The following SGK3 variants were observed in gnomAD, a reference collection of about 807,000 sequenced individuals.
SGK3 encodes serine/threonine-protein kinase Sgk3.
SGK3 carries 47 observed loss-of-function variants against 68.5 expected under a neutral mutation model. The observed-to-expected ratio is 0.69, with a 90% CI of 0.54 to 0.87. The LOEUF is 0.87. SGK3 is among the 40% of genes least tolerant of loss of function. The pLI, the probability that SGK3 is intolerant of heterozygous loss-of-function variation, is 0.00. For synonymous variants in SGK3, 181 were observed against 189.1 expected (o/e 0.96, Z 0.35); for missense variants, 479 against 575.5 (o/e 0.83, Z 1.72).
chr8:66,852,668 T>G (rs1810343273), intron 16 of SGK3, among the ~76,000 whole-genome samples: 1 of 152,190 alleles, frequency 6.6e-6, no homozygotes, highest in African/African-American at 2.4e-5. Flanking sequence ...GGTTAATTTC[T>G]ATACATAGCT....
intron 1 of SGK3, among the ~76,000 whole-genome samples, chr8:66,779,561 A>AATATAGATATAT (rs1491522305): frequency 1.1e-5 from 1 of 89,386 alleles, no homozygotes; most frequent in Non-Finnish European, 2.1e-5. Flanking sequence ...TATGTGTGTG[A>AATATAGATATAT]ATATATATAT....
At chr8:66,789,319 GA>G (rs1350545250) in intron 1 of SGK3, among the ~76,000 whole-genome samples, 1 of 152,132 alleles carries the variant, frequency 6.6e-6, no homozygotes, top group African/African-American at 2.4e-5. Flanking sequence ...TAGTGGTACT[GA>G]TTTCTGAGCT....
At chr8:66,736,061 G>T (rs1373391256) in intron 1 of SGK3, among the ~76,000 whole-genome samples, 4 of 152,180 alleles carry the variant, frequency 2.6e-5, no homozygotes, top group Admixed American at 2.6e-4. Context: ...TGCTGTGGGG[G>T]ATTATATTTA....
At chr8:66,740,480 A>G (rs969341171) in intron 1 of SGK3, among the ~76,000 whole-genome samples, 22 of 152,342 alleles carry the variant, frequency 1.4e-4, no homozygotes, top group African/African-American at 5.3e-4. Context: ...TTATTATAAT[A>G]TAGTGCAGTT....
At chr8:66,809,695 A>G (rs1170509093) in intron 4 of SGK3, among the ~76,000 whole-genome samples, 1 of 152,254 alleles carries the variant, frequency 6.6e-6, no homozygotes, top group Admixed American at 6.5e-5. Flanking sequence ...AAAATACTTC[A>G]TAGCAGAATC....
intron 1 of SGK3, among the ~76,000 whole-genome samples, chr8:66,780,823 T>C (rs1040086568): frequency 1.3e-5 from 2 of 152,136 alleles, no homozygotes; most frequent in African/African-American, 2.4e-5. Context: ...AGTGAAATTA[T>C]CAGATTTACA....
At chr8:66,839,918 G>T in intron 10 of SGK3, 85 bp from the exon 11 acceptor site, 1 of 1,266,900 alleles carries the variant, frequency 7.9e-7, no homozygotes. Context: ...TCCTACCTTT[G>T]TATTTACCGA....
chr8:66,819,136 T>G (rs1808709572), intron 5 of SGK3, among the ~76,000 whole-genome samples: 1 of 152,224 alleles, frequency 6.6e-6, no homozygotes, highest in Admixed American at 6.5e-5. Flanking sequence ...GCATTTCACT[T>G]ATTACTGTAA....
chr8:66,832,292 AT>A (rs543884224), intron 8 of SGK3, among the ~76,000 whole-genome samples: 2 of 152,336 alleles, frequency 1.3e-5, no homozygotes, highest in South Asian at 4.1e-4. Flanking sequence ...ATCATCGAAT[AT>A]ATTTAAGTGC....
chr8:66,755,937 A>G (rs1805960569), intron 1 of SGK3, among the ~76,000 whole-genome samples: 1 of 152,118 alleles, frequency 6.6e-6, no homozygotes, highest in Non-Finnish European at 1.5e-5. Context: ...AGCGAGAAGG[A>G]GTTAGCCAAA....
intron 15 of SGK3, among the ~76,000 whole-genome samples, chr8:66,847,671 C>T (rs1020819934): frequency 2.6e-5 from 4 of 152,084 alleles, no homozygotes; most frequent in African/African-American, 9.7e-5. Flanking sequence ...ACTACCTAAA[C>T]TTTCTTTTGC....
intron 1 of SGK3, among the ~76,000 whole-genome samples, chr8:66,773,185 A>G (rs1015492475): frequency 1.3e-5 from 2 of 152,206 alleles, no homozygotes; most frequent in African/African-American, 4.8e-5. Context: ...AGATGAGTAC[A>G]CAAGAGAGTG....
At chr8:66,749,775 A>T (rs1805757955) in intron 1 of SGK3, among the ~76,000 whole-genome samples, 1 of 152,116 alleles carries the variant, frequency 6.6e-6, no homozygotes. Context: ...AGATATGTTT[A>T]TATATAGATG....
At chr8:66,744,752 C>T (rs1460732408) in intron 1 of SGK3, among the ~76,000 whole-genome samples, 2 of 149,946 alleles carry the variant, frequency 1.3e-5, no homozygotes, top group African/African-American at 2.4e-5. Context: ...ATGATCCACC[C>T]GCCTTGGCCT....
At chr8:66,787,703 G>T (rs1167045022) in intron 1 of SGK3, among the ~76,000 whole-genome samples, 2 of 152,218 alleles carry the variant, frequency 1.3e-5, no homozygotes, top group Non-Finnish European at 2.9e-5. Context: ...TTGACCACAT[G>T]ATTATTGAGA....
chr8:66,807,061 A>G (rs1808198359), intron 4 of SGK3, among the ~76,000 whole-genome samples: 1 of 152,176 alleles, frequency 6.6e-6, no homozygotes, highest in South Asian at 2.1e-4. Flanking sequence ...GAATAGTCCA[A>G]TAGCCCTGGC....
intron 1 of SGK3, among the ~76,000 whole-genome samples, chr8:66,747,899 G>T (rs1585662688): frequency 1.3e-5 from 2 of 152,182 alleles, no homozygotes; most frequent in Admixed American, 1.3e-4. Context: ...GTGCTTTGCT[G>T]TGTAGCACAG....
At chr8:66,806,279 G>T (rs1037173219) in intron 4 of SGK3, among the ~76,000 whole-genome samples, 1 of 151,974 alleles carries the variant, frequency 6.6e-6, no homozygotes, top group African/African-American at 2.4e-5. Flanking sequence ...TTTTCTGAAG[G>T]TGCAGACTTA....
intron 13 of SGK3, among the ~76,000 whole-genome samples, chr8:66,841,668 A>G (rs1809802353): frequency 6.6e-6 from 1 of 152,228 alleles, no homozygotes; most frequent in Non-Finnish European, 1.5e-5. Flanking sequence ...TGTTTTTTAT[A>G]TGCTTGAAAT....
Sources: allele counts gnomAD v4.1 joint callset (sites outside exome capture counted in the v4.1 genomes callset), GRCh38; gene constraint gnomAD v4.1.1; transcripts MANE v1.5; gene names NCBI Gene and HGNC (gene_info 2026-07-23, HGNC 2026-07-21).